RASSF4: variants seen among roughly 807,000 people sequenced by gnomAD.
RASSF4 encodes the protein Ras association domain family member 4.
RASSF4 carries 38 observed loss-of-function variants against 41.1 expected under a neutral mutation model. The ratio of observed to expected loss-of-function variants is 0.92; its 90% confidence interval spans 0.71 to 1.21. RASSF4 has a LOEUF of 1.21. RASSF4 is among the 50% of genes most tolerant of loss of function. The pLI, the probability that RASSF4 is intolerant of heterozygous loss-of-function variation, is 0.00. For synonymous variants in RASSF4, 179 were observed against 163.4 expected, an observed-to-expected ratio of 1.10 and a Z score of -0.73; for missense variants, 414 against 419.4, an observed-to-expected ratio of 0.99 and a Z score of 0.11.
At chr10:44,978,833 C>A (rs2274887) in intron 3 of RASSF4, 1 of 152,234 alleles carries the variant, frequency 6.6e-6, no homozygotes, top group African/African-American at 2.4e-5. Context: ...AGGCAAGCTG[C>A]TTTTATACCT....
intron 4 of RASSF4, chr10:44,983,129 A>G: frequency 2.7e-6 from 1 of 369,952 alleles, no homozygotes; most frequent in Non-Finnish European, 5.4e-6. Context: ...GTCAGGAGGA[A>G]ATGGTCTCCT....
rs202169523 is a variant in RASSF4, at chr10:44,989,268, G to T, written c.532-6G>T. ...TGACCTGAACTTCTCTCCCTTCCTG[G>T]TACAGACCTCCGTGTTTACTCCAGC... On this transcript the variant is annotated splice_region_variant and splice_polypyrimidine_tract_variant and intron_variant, in intron 6 of 10. Transcript: ENST00000340258. 1.0e-5 allele frequency: 16 copies of T among 1,602,134 alleles called. No homozygotes were observed. In the Admixed American group the frequency reaches 2.2e-4, roughly 22 times the overall value.
At chr10:44,987,251 A>G (rs904636505) in intron 6 of RASSF4, among the ~76,000 whole-genome samples, 70 of 152,114 alleles carry the variant, frequency 4.6e-4, no homozygotes, top group African/African-American at 1.6e-3. Context: ...GGTGCGCACC[A>G]CGATGCCTGG....
intron 5 of RASSF4, chr10:44,984,552 A>G (rs1327185260): frequency 9.2e-6 from 5 of 545,546 alleles, no homozygotes; most frequent in East Asian, 2.9e-5. Context: ...GGGGCCACCA[A>G]AGACCTCCAT....
intron 3 of RASSF4, chr10:44,976,268 T>A (rs1564457532): frequency 2.6e-5 from 4 of 152,254 alleles, no homozygotes; most frequent in Admixed American, 1.3e-4. Context: ...TAATTGCTTG[T>A]CTGAAACTTT....
intron 2 of RASSF4, 25 bp downstream of exon 2, chr10:44,970,289 CG>C: frequency 6.2e-7 from 1 of 1,603,608 alleles, no homozygotes; most frequent in Non-Finnish European, 8.5e-7. Flanking sequence ...GCAGGTTGGG[CG>C]GGGGAGTCTT....
chr10:44,991,045 C>T lies in RASSF4; in HGVS notation c.783C>T (p.Asp261=). The stretch of plus-strand genomic sequence containing the variant: ...CCAGGATCTTCCTGATGGAAGCTGA[C>T]TTGGGCGTGGAAGTCCCCCATGAAG... ...KIARIFLMEA[D]LGVEVPHEVA... Residue 261 remains aspartate, a synonymous_variant, in exon 9 of 11, where the codon GAC becomes GAT. Coordinates refer to ENST00000340258, the MANE Select transcript of RASSF4 (RefSeq NM_032023.4). 6.2e-7 allele frequency: 1 copy of T among 1,613,684 alleles called. No homozygotes were observed. The highest frequency in any genetic ancestry group is 8.5e-7 in the Non-Finnish European group (1 of 1,179,742).
At chr10:44,965,429 C>T (rs1840864227) in intron 1 of RASSF4, among the ~76,000 whole-genome samples, 1 of 152,240 alleles carries the variant, frequency 6.6e-6, no homozygotes, top group African/African-American at 2.4e-5. Flanking sequence ...TGAAGACACT[C>T]TGCTAGCCAC....
chr10:44,962,822 G>C (rs10900145), intron 1 of RASSF4, among the ~76,000 whole-genome samples: 262 of 152,146 alleles, frequency 1.7e-3, no homozygotes, highest in Middle Eastern at 3.4e-3. Context: ...AAGGTGTAAG[G>C]GGGGAGCAGG....
At chr10:44,977,279 G>A in intron 3 of RASSF4, 4 of 1,385,080 alleles carry the variant, frequency 2.9e-6, no homozygotes. Flanking sequence ...AGGGGCCTCT[G>A]CAGAAAAGCA....
chr10:44,960,300 G>T (rs1298866533), intron 1 of RASSF4, among the ~76,000 whole-genome samples: 5 of 152,208 alleles, frequency 3.3e-5, no homozygotes, highest in Admixed American at 3.3e-4. Context: ...GGCTCGCCTT[G>T]CTCTGGGCCA....
At chr10:44,968,839 G>A (rs575557016) in intron 1 of RASSF4, among the ~76,000 whole-genome samples, 56 of 152,312 alleles carry the variant, frequency 3.7e-4, no homozygotes, top group Admixed American at 1.4e-3. Flanking sequence ...GAGCTCTGTC[G>A]TGGGCAGGAT....
intron 3 of RASSF4, among the ~76,000 whole-genome samples, 168 bp downstream of exon 3, chr10:44,972,016 C>T (rs1205505661): frequency 6.6e-6 from 1 of 152,220 alleles, no homozygotes; most frequent in African/African-American, 2.4e-5. Flanking sequence ...TGACCCTGAG[C>T]CAGGGACCAG....
intron 3 of RASSF4, chr10:44,978,045 G>A (rs1841529732): frequency 6.3e-7 from 1 of 1,596,022 alleles, no homozygotes; most frequent in Non-Finnish European, 8.5e-7. Context: ...CTGGCGAGAG[G>A]AGGTGGCAAC....
intron 1 of RASSF4, among the ~76,000 whole-genome samples, chr10:44,960,285 T>G (rs1840658387): frequency 6.6e-6 from 1 of 152,230 alleles, no homozygotes; most frequent in Non-Finnish European, 1.5e-5. Context: ...TCGCTGTCTG[T>G]AGAGGGCTCG....
intron 3 of RASSF4, chr10:44,976,361 A>G (rs908077855): frequency 3.3e-5 from 5 of 152,264 alleles, no homozygotes; most frequent in African/African-American, 1.2e-4. Context: ...ATCCAAAGCA[A>G]TTAAAAATAG....
At chr10:44,971,723 C>G (rs1164210744) in intron 2 of RASSF4, 50 bp from the exon 3 acceptor site, 1 of 1,446,114 alleles carries the variant, frequency 6.9e-7, no homozygotes, top group Non-Finnish European at 9.7e-7. Flanking sequence ...AGGCCAGAAG[C>G]TGAGGCCCTG....
chr10:44,981,549 T>G (rs1417563230), intron 3 of RASSF4: 1 of 152,222 alleles, frequency 6.6e-6, no homozygotes, highest in East Asian at 1.9e-4. Context: ...AGAATGATAT[T>G]CAAAGTTAAT....
chr10:44,971,773 G>T lies in RASSF4; in HGVS notation c.63G>T (p.Lys21Asn). Reference sequence around the variant, plus strand: ...TACATGTGTGTCTTTCCCTTTTTAGGTCGGAGCTCTTAGGCCTGCTGAAAA... The same window carrying T: ...TACATGTGTGTCTTTCCCTTTTTAGTTCGGAGCTCTTAGGCCTGCTGAAAA... Reference protein sequence around the residue: ...VPISDSKSIQKSELLGLLKTY... With the variant: ...VPISDSKSIQNSELLGLLKTY... The change falls in exon 3 of 11, where the codon AAG (lysine) becomes AAT (asparagine). Residue 21 changes from lysine to asparagine, a missense_variant and splice_region_variant. By Grantham distance (94) the Lys-to-Asn change is moderately conservative. Transcript: ENST00000340258. 6.2e-7 allele frequency: 1 copy of T among 1,613,728 alleles called. No individual in the cohort carries two copies.
Sources: allele counts gnomAD v4.1 joint callset (sites outside exome capture counted in the v4.1 genomes callset), GRCh38; gene constraint gnomAD v4.1.1; transcripts MANE v1.5; gene names NCBI Gene and HGNC (gene_info 2026-07-23, HGNC 2026-07-21).